CPLANE2: variants seen among roughly 807,000 people sequenced by gnomAD.
CPLANE2 encodes the protein ciliogenesis and planar polarity effector complex subunit 2.
Under a neutral mutation model 20.9 loss-of-function variants are expected in CPLANE2, and 24 were observed. That is an observed-to-expected ratio of 1.15 (90% CI 0.83 to 1.61). CPLANE2 has a LOEUF of 1.61. Among genes scored for constraint, CPLANE2 ranks in the 40% most tolerant of loss-of-function variants. CPLANE2 has a pLI of 0.00. For missense variants in CPLANE2, 330 were observed against 355.1 expected, an observed-to-expected ratio of 0.93 and a Z score of 0.57; for synonymous variants, 132 against 144.3, an observed-to-expected ratio of 0.92 and a Z score of 0.61.
In CPLANE2 at chr1:16,236,796, G is replaced by T; in HGVS notation, c.-54C>A. The T allele has an allele frequency of 7.6e-7, 1 of 1,312,066 alleles. No homozygotes were observed. Among genetic ancestry groups the T allele is most frequent in the Non-Finnish European group, 1.1e-6 (1 of 930,656 alleles). 81.3% of individuals were successfully genotyped at this position (1,312,066 alleles called of 1,614,324 possible). On this transcript the variant is annotated 5_prime_UTR_variant, in exon 1 of 5. Transcript: ENST00000375599. Reference sequence around the variant, plus strand: ...TGACAGAATGCTGAGAGCAGGGAGTGGGAAGGGGAGTGACAGTACCAAGCC... The same window carrying T: ...TGACAGAATGCTGAGAGCAGGGAGTTGGAAGGGGAGTGACAGTACCAAGCC...
At chr1:16,232,761 G>A in intron 3 of CPLANE2, 115 bp from the exon 4 acceptor site, 1 of 1,560,506 alleles carries the variant, frequency 6.4e-7, no homozygotes, top group African/African-American at 1.4e-5. Flanking sequence ...AGAGCAAGGA[G>A]CGGCTGGTCC....
chr1:16,234,419 ATAACT>A lies in CPLANE2; in HGVS notation c.113-660_113-656del, dbSNP rs533183547. On this transcript the variant is annotated intron_variant, in intron 1 of 4. Coordinates refer to ENST00000375599, the MANE Select transcript of CPLANE2 (RefSeq NM_030907.4). ...TTTGTCTCAAAAAATAAATAAATAA[ATAACT>A]TAGAGTGTGGTATTCTGTTGTAGCA... Among the ~76,000 whole-genome samples, 162 of 152,314 alleles carry A rather than the reference ATAACT, an allele frequency of 1.1e-3. 1 individual carries two copies. The highest frequency in any genetic ancestry group is 3.6e-3 in the African/African-American group (149 of 41,568).
At chr1:16,236,583 C>T in intron 1 of CPLANE2, 48 bp downstream of exon 1, 1 of 1,428,942 alleles carries the variant, frequency 7.0e-7, no homozygotes, top group Non-Finnish European at 9.7e-7. Flanking sequence ...CACTCTTCTC[C>T]CCAGGGAAAG....
Position 16,236,540 on chromosome 1 carries a change from G to A in CPLANE2, c.112+91C>T, listed in dbSNP as rs970338535. On this transcript the variant is annotated intron_variant, in intron 1 of 4. Coordinates refer to ENST00000375599, the MANE Select transcript of CPLANE2 (RefSeq NM_030907.4). ...CAGTGGAGCAGGCCCTCACTGCCCT[G>A]CCTCTCTGCTCTCCTCAGGGAGCAA... 8.9e-6 allele frequency: 9 copies of A among 1,008,256 alleles called. No individual in the cohort carries two copies. The African/African-American group carries it at 1.3e-4, about 14-fold the overall frequency. 62.5% of individuals were successfully genotyped at this position (1,008,256 alleles called of 1,614,324 possible).
intron 1 of CPLANE2, among the ~76,000 whole-genome samples, chr1:16,234,960 G>T: frequency 6.6e-6 from 1 of 152,188 alleles, no homozygotes; most frequent in Non-Finnish European, 1.5e-5. Flanking sequence ...CCAACCTCAG[G>T]TGATCTGCCT....
At position 16,237,134 on chromosome 1, in the gene CPLANE2, G is replaced by A. The variant is rs574500011; in HGVS notation, c.-392C>T. The A allele has an allele frequency of 3.1e-4, 51 of 162,112 alleles. No individual in the cohort carries two copies. Among genetic ancestry groups the A allele is most frequent in the Non-Finnish European group, 6.1e-4 (45 of 74,156 alleles). The allele number at this position is 162,112 out of a possible 1,614,324, so 10.0% of individuals were successfully genotyped here. A position where few individuals can be genotyped will look rare whatever the true frequency, so the allele number is the denominator to read the frequency against. ...CGCACTCCCGCCGCCCCAGCCCGCCGGGCCCACTTCCGCCCCGCCTGCGTC... is the reference window on the plus strand; with the variant it reads ...CGCACTCCCGCCGCCCCAGCCCGCCAGGCCCACTTCCGCCCCGCCTGCGTC... On this transcript the variant is annotated 5_prime_UTR_variant, in exon 1 of 5. Coordinates refer to ENST00000375599, the MANE Select transcript of CPLANE2 (RefSeq NM_030907.4).
intron 1 of CPLANE2, 111 bp downstream of exon 1, chr1:16,236,520 G>A: frequency 1.2e-6 from 1 of 810,018 alleles, no homozygotes. Context: ...GACTGCAGTG[G>A]AGCAGGCCCT....
Position 16,233,700 on chromosome 1 carries a change from A to G in CPLANE2, c.177T>C (p.Phe59=), listed in dbSNP as rs1430032352. 6.2e-7 allele frequency: 1 copy of G among 1,614,162 alleles called. No individual in the cohort carries two copies. The highest frequency in any genetic ancestry group is 8.5e-7 in the Non-Finnish European group (1 of 1,180,044). The change falls in exon 2 of 5, where the codon TTT becomes TTC. Residue 59 remains phenylalanine (F), a synonymous_variant. Transcript: ENST00000375599. ...VSIDTASYKI[F]VSGKSGVGKT... Reference sequence around the variant, plus strand: ...TGCCCACACCACTCTTCCCGGACACAAAGATCTTGTAGCTGGCAGTGTCAA... The same window carrying G: ...TGCCCACACCACTCTTCCCGGACACGAAGATCTTGTAGCTGGCAGTGTCAA...
At chr1:16,235,809 T>C (rs1375858057) in intron 1 of CPLANE2, among the ~76,000 whole-genome samples, 1 of 151,138 alleles carries the variant, frequency 6.6e-6, no homozygotes, top group African/African-American at 2.4e-5. Context: ...GCCTCCCAAG[T>C]AGCTGGGATT....
At position 16,232,304 on chromosome 1, in the gene CPLANE2, G is replaced by A. The variant is rs1186149363; in HGVS notation, c.528-7C>T. ...GTGCATGTACTGGTCAAATCTGGAG[G>A]AGGGTCAAGGAGCCTAACTGGGTGC... On this transcript the variant is annotated splice_polypyrimidine_tract_variant and splice_region_variant and intron_variant, in intron 4 of 4. Transcript: ENST00000375599. 1.3e-6 allele frequency: 2 copies of A among 1,598,986 alleles called. No homozygotes were observed. The highest frequency in any genetic ancestry group is 1.7e-6 in the Non-Finnish European group (2 of 1,173,410).
chr1:16,232,857 CT>C lies in CPLANE2; in HGVS notation c.390+35del, dbSNP rs759500024. 3.9e-4 allele frequency: 623 copies of C among 1,612,778 alleles called. 1 individual carries two copies. Among genetic ancestry groups the C allele is most frequent in the South Asian group, 1.4e-3 (131 of 90,936 alleles). On this transcript the variant is annotated intron_variant, in intron 3 of 4. Transcript: ENST00000375599. Reference sequence around the variant, plus strand: ...GAGCTCATTAATACCCAATCGGCCCCTGGCAGAACCCACCCAGGCCCACATG... The same window carrying C: ...GAGCTCATTAATACCCAATCGGCCCCGGCAGAACCCACCCAGGCCCACATG...
In CPLANE2 at chr1:16,233,007, G is replaced by A. The variant is rs1241301369; in HGVS notation, c.276C>T (p.Thr92=). The A allele has an allele frequency of 6.2e-7, 1 of 1,614,128 alleles. No individual in the cohort carries two copies. The highest frequency in any genetic ancestry group is 8.5e-7 in the Non-Finnish European group (1 of 1,180,012). Residue 92 remains threonine (T), a synonymous_variant, in exon 3 of 5, where the codon ACC becomes ACT. Coordinates refer to ENST00000375599, the MANE Select transcript of CPLANE2 (RefSeq NM_030907.4). ...GCTTGGCTGGCCAAAATACCACGGT[G>A]GTCTGGATGCCTGAGGGGGAGCCAG... ...VVHHETTGIQ[T]TVVFWPAKLQ...
At chr1:16,233,962 C>A (rs765289136) in intron 1 of CPLANE2, among the ~76,000 whole-genome samples, 198 bp from the exon 2 acceptor site, 1 of 152,146 alleles carries the variant, frequency 6.6e-6, no homozygotes, top group Non-Finnish European at 1.5e-5. Flanking sequence ...CCAGTTTGGG[C>A]GCCTCTTGCT....
chr1:16,236,604 G>A (rs2081467155), intron 1 of CPLANE2, 27 bp downstream of exon 1: 6 of 1,503,032 alleles, frequency 4.0e-6, no homozygotes, highest in Non-Finnish European at 5.4e-6. Flanking sequence ...ACAAGTGGCG[G>A]GCTAGAGGAA....
chr1:16,231,917 T>C lies in CPLANE2; in HGVS notation c.*131A>G, dbSNP rs1376394002. On this transcript the variant is annotated 3_prime_UTR_variant, in exon 5 of 5. Coordinates refer to ENST00000375599, the MANE Select transcript of CPLANE2 (RefSeq NM_030907.4). Reference sequence around the variant, plus strand: ...AAGCGCTGCTCGCGGGTGGGCCTTCTCTGGCCACATCCTCCCTGATCAGGC... The same window carrying C: ...AAGCGCTGCTCGCGGGTGGGCCTTCCCTGGCCACATCCTCCCTGATCAGGC... The C allele has an allele frequency of 1.5e-6, 2 of 1,366,214 alleles. No individual in the cohort carries two copies. The highest frequency in any genetic ancestry group is 2.0e-6 in the Non-Finnish European group (2 of 1,005,710). 84.6% of individuals were successfully genotyped at this position (1,366,214 alleles called of 1,614,324 possible). A position where few individuals can be genotyped will look rare whatever the true frequency, so the allele number is the denominator to read the frequency against.
At position 16,233,025 on chromosome 1, in the gene CPLANE2, G is replaced by A; in HGVS notation, c.266-8C>T. The A allele has an allele frequency of 6.2e-7, 1 of 1,614,126 alleles. No homozygotes were observed. Among genetic ancestry groups the A allele is most frequent in the Non-Finnish European group, 8.5e-7 (1 of 1,179,984 alleles). On this transcript the variant is annotated splice_region_variant and splice_polypyrimidine_tract_variant and intron_variant, in intron 2 of 4. Transcript: ENST00000375599. ...CCACGGTGGTCTGGATGCCTGAGGGGGAGCCAGGGTCAGCCACTCACCATG... is the reference window on the plus strand; with the variant it reads ...CCACGGTGGTCTGGATGCCTGAGGGAGAGCCAGGGTCAGCCACTCACCATG...
Position 16,232,968 on chromosome 1 carries a change from G to T in CPLANE2, c.315C>A (p.Ser105Arg). 6.2e-7 allele frequency: 1 copy of T among 1,614,218 alleles called. No homozygotes were observed. The highest frequency in any genetic ancestry group is 8.5e-7 in the Non-Finnish European group (1 of 1,180,038). ...VFWPAKLQAS[S>R]RVVMFRFEFW... is the part of the protein sequence containing the mutation. Reference sequence around the variant, plus strand: ...ACTCAAAACGAAACATGACGACACGGCTGCTGGCCTGCAGCTTGGCTGGCC... The same window carrying T: ...ACTCAAAACGAAACATGACGACACGTCTGCTGGCCTGCAGCTTGGCTGGCC... Residue 105 changes from serine to arginine, a missense_variant, in exon 3 of 5, where the codon AGC (serine) becomes AGA (arginine). Transcript: ENST00000375599.
At chr1:16,232,697 C>T (rs753585225) in intron 3 of CPLANE2, 51 bp from the exon 4 acceptor site, 1 of 1,607,470 alleles carries the variant, frequency 6.2e-7, no homozygotes, top group South Asian at 1.1e-5. Flanking sequence ...GCTGCAGGGC[C>T]CTCAGAAGAA....
chr1:16,236,692 C>A lies in CPLANE2; in HGVS notation c.51G>T (p.Glu17Asp). 6.4e-7 allele frequency: 1 copy of A among 1,562,738 alleles called. No homozygotes were observed. Among genetic ancestry groups the A allele is most frequent in the Non-Finnish European group, 8.7e-7 (1 of 1,151,978 alleles). ...PGSVVVPNWH[E>D]SAEGKEYLAC... ...CCAGGTACTCCTTGCCCTCGGCACT[C>A]TCGTGCCAGTTTGGGACAACCACCG... The change falls in exon 1 of 5, where the codon GAG becomes GAT. Residue 17 changes from glutamate (E) to aspartate (D), a missense_variant. Coordinates refer to ENST00000375599, the MANE Select transcript of CPLANE2 (RefSeq NM_030907.4).
Sources: gnomAD v4.1 joint callset for allele counts (sites outside exome capture counted in the v4.1 genomes callset) on GRCh38, gnomAD v4.1.1 for gene constraint, MANE v1.5 for transcripts, NCBI Gene and HGNC (gene_info 2026-07-23, HGNC 2026-07-21) for gene names.